FBXL13: variants seen among roughly 807,000 people sequenced by gnomAD.
The protein encoded by FBXL13 is F-box and leucine-rich repeat protein 13.
In FBXL13, 67 loss-of-function variants were observed where a neutral mutation model predicts 83.6. The observed-to-expected ratio is 0.80, with a 90% confidence interval of 0.66 to 0.98. FBXL13 has a LOEUF of 0.98. FBXL13 is among the 50% of genes least tolerant of loss of function. The pLI, the probability that FBXL13 is intolerant of heterozygous loss-of-function variation, is 0.00. For missense variants in FBXL13, 822 were observed against 866.5 expected (o/e 0.95, Z 0.64); for synonymous variants, 272 against 299.5 (o/e 0.91, Z 0.95).
At chr7:102,893,546 C>A (rs543752654) in intron 11 of FBXL13, among the ~76,000 whole-genome samples, 2 of 152,200 alleles carry the variant, frequency 1.3e-5, no homozygotes, top group South Asian at 4.1e-4. Context: ...ACGGGCGGAT[C>A]ACAAGGTCAG....
rs1279691846 is a variant in FBXL13 at position 103,013,945 on chromosome 7, A to G, written c.495+11118T>C. Among the ~76,000 whole-genome samples the G allele has an allele frequency of 1.3e-5, 2 of 152,162 alleles. 1 individual carries two copies. ...CCAAATAAACACAATCAGAAATGGC[A>G]AAGGGTGTATTACCACTGACCCCCC... On this transcript the variant is annotated intron_variant, in intron 6 of 19. Coordinates refer to ENST00000313221, the Ensembl canonical transcript of FBXL13.
chr7:103,051,745 A>G (rs185732473), intron 2 of FBXL13, among the ~76,000 whole-genome samples: 26 of 152,364 alleles, frequency 1.7e-4, no homozygotes, highest in Non-Finnish European at 2.8e-4. Flanking sequence ...GAAGATTTAT[A>G]AACAAAAAAG....
At chr7:103,019,293 A>T (rs570599854) in intron 6 of FBXL13, among the ~76,000 whole-genome samples, 78 of 152,360 alleles carry the variant, frequency 5.1e-4, no homozygotes, top group African/African-American at 1.8e-3. Context: ...AAGAGACAAC[A>T]TACCGGAATG....
chr7:102,867,250 T>C (rs1405485924), intron 16 of FBXL13, among the ~76,000 whole-genome samples: 13 of 151,924 alleles, frequency 8.6e-5, no homozygotes, highest in Admixed American at 7.9e-4. Context: ...CCCAGCTACT[T>C]GGGAGGCTGA....
chr7:103,029,046 G>T (rs1052401969), intron 3 of FBXL13, among the ~76,000 whole-genome samples: 8 of 151,864 alleles, frequency 5.3e-5, no homozygotes, highest in Non-Finnish European at 8.8e-5. Context: ...TTTTTAAAAG[G>T]AATCTAAATT....
intron 16 of FBXL13, among the ~76,000 whole-genome samples, chr7:102,861,000 T>C (rs757013879): frequency 5.3e-4 from 53 of 99,706 alleles, no homozygotes; most frequent in East Asian, 1.2e-3. Flanking sequence ...TACACACACA[T>C]ATATATATAC....
At chr7:102,893,762 T>G (rs1584811325) in intron 11 of FBXL13, among the ~76,000 whole-genome samples, 1 of 121,424 alleles carries the variant, frequency 8.2e-6, no homozygotes, top group Non-Finnish European at 1.6e-5. Flanking sequence ...AGCAAGACTC[T>G]GTCTCAAAAA....
chr7:102,934,738 G>C (rs1466835178), intron 8 of FBXL13: 15 of 1,441,650 alleles, frequency 1.0e-5, no homozygotes, highest in Admixed American at 2.2e-5. Context: ...AATGCTCTTT[G>C]AATCTTATAA....
At chr7:102,840,251 G>T (rs947064876) in intron 17 of FBXL13, among the ~76,000 whole-genome samples, 7 of 152,172 alleles carry the variant, frequency 4.6e-5, no homozygotes, top group Non-Finnish European at 8.8e-5. Flanking sequence ...AAAAATTTTA[G>T]AACAGCTTCA....
intron 6 of FBXL13, among the ~76,000 whole-genome samples, chr7:103,023,515 C>T (rs1191675429): frequency 6.6e-6 from 1 of 152,182 alleles, no homozygotes; most frequent in Admixed American, 6.5e-5. Context: ...TGCTTACACA[C>T]TGCTGGTGGG....
chr7:102,913,230 GA>G lies in FBXL13; in HGVS notation c.879-16del. Reference sequence around the variant, plus strand: ...TGTGGAAGTGCCTGAAAAGACAAAAGAGAGGAAGGAAAGTATTATACTTCCG... The same window carrying G: ...TGTGGAAGTGCCTGAAAAGACAAAAGGAGGAAGGAAAGTATTATACTTCCG... On this transcript the variant is annotated splice_polypyrimidine_tract_variant and intron_variant, in intron 10 of 19. Transcript: ENST00000313221. 6.2e-7 allele frequency: 1 copy of G among 1,613,958 alleles called. No homozygotes were observed. Among genetic ancestry groups the G allele is most frequent in the Non-Finnish European group, 8.5e-7 (1 of 1,179,932 alleles).
intron 2 of FBXL13, chr7:103,055,161 G>A (rs565938940): frequency 1.6e-6 from 2 of 1,287,390 alleles, no homozygotes; most frequent in African/African-American, 1.5e-5. Context: ...TTTCATTGAT[G>A]GAGTAATGCA....
intron 8 of FBXL13, chr7:102,939,478 A>C: frequency 1.9e-6 from 3 of 1,613,880 alleles, no homozygotes; most frequent in Non-Finnish European, 2.5e-6. Flanking sequence ...GTTAAACTTG[A>C]CTTGTCATAC....
chr7:102,924,815 TA>T (rs1172510216), intron 10 of FBXL13, among the ~76,000 whole-genome samples: 14 of 152,004 alleles, frequency 9.2e-5, no homozygotes, highest in African/African-American at 3.4e-4. Flanking sequence ...TAATTTTTTC[TA>T]TTTTTTAGTA....
At chr7:102,969,871 A>AAAAGG (rs1157571394) in intron 6 of FBXL13, among the ~76,000 whole-genome samples, 5 of 151,572 alleles carry the variant, frequency 3.3e-5, no homozygotes, top group African/African-American at 1.2e-4. Flanking sequence ...AAAAGAAAAG[A>AAAAGG]AAAGGAAAGA....
chr7:103,034,481 G>T (rs921185177), intron 2 of FBXL13, among the ~76,000 whole-genome samples: 4 of 152,210 alleles, frequency 2.6e-5, no homozygotes, highest in African/African-American at 7.2e-5. Flanking sequence ...CAGTGGGGCC[G>T]GCTGGCCGCT....
intron 11 of FBXL13, among the ~76,000 whole-genome samples, chr7:102,895,661 G>C (rs1228613011): frequency 6.6e-6 from 1 of 151,928 alleles, no homozygotes. Context: ...AGGGAAAGTG[G>C]CTACCCCATG....
intron 10 of FBXL13, among the ~76,000 whole-genome samples, chr7:102,915,600 G>C (rs904401533): frequency 6.6e-6 from 1 of 152,140 alleles, no homozygotes; most frequent in African/African-American, 2.4e-5. Context: ...TAATGTCACA[G>C]ACACCTTTGG....
chr7:103,013,793 A>G (rs758521056), intron 6 of FBXL13, among the ~76,000 whole-genome samples: 3 of 152,150 alleles, frequency 2.0e-5, no homozygotes, highest in Non-Finnish European at 4.4e-5. Context: ...TCAGAGACGA[A>G]CTAAAGGAAA....
Sources: gnomAD v4.1 joint callset for allele counts (sites outside exome capture counted in the v4.1 genomes callset) on GRCh38, gnomAD v4.1.1 for gene constraint, MANE v1.5 for transcripts, NCBI Gene and HGNC (gene_info 2026-07-23, HGNC 2026-07-21) for gene names.